The following NAV3 variants were observed in gnomAD, a reference collection of about 807,000 sequenced individuals.
The protein encoded by NAV3 is pore membrane and/or filament interacting like protein 1.
Under a neutral mutation model 244.7 loss-of-function variants are expected in NAV3, and 87 were observed. The observed-to-expected ratio is 0.36, with a 90% CI of 0.30 to 0.42. The LOEUF (loss-of-function observed/expected upper bound fraction) is 0.42, where lower values mean the gene tolerates loss of function less well. NAV3 is among the 20% of genes least tolerant of loss of function. NAV3 has a pLI of 1.00. For synonymous variants in NAV3, 1,126 were observed against 1,042.2 expected (o/e 1.08, Z -1.55); for missense variants, 2,663 against 2,893.3 (o/e 0.92, Z 1.83).
In NAV3 at chr12:77,949,234, T is replaced by A. The variant is rs558551858; in HGVS notation, c.414+8101T>A. ...GTTCAATGATGTAATTATCACTTAT[T>A]TATTGAACATCAATGGTATATACCT... On this transcript the variant is annotated intron_variant, in intron 3 of 39. Coordinates refer to ENST00000397909, the MANE Select transcript of NAV3 (RefSeq NM_001024383.2). 3.9e-5 allele frequency among the ~76,000 whole-genome samples: 6 copies of A among 152,220 alleles called. No individual in the cohort carries two copies. In the East Asian group the frequency reaches 1.2e-3, roughly 29 times the overall value.
intron 2 of NAV3, among the ~76,000 whole-genome samples, chr12:77,711,664 G>A (rs1412282977): frequency 6.6e-6 from 1 of 152,186 alleles, no homozygotes; most frequent in South Asian, 2.1e-4. Flanking sequence ...GATTAGGCAG[G>A]GTGTCTGTGG....
chr12:77,768,162 G>A (rs2135865276), intron 2 of NAV3, among the ~76,000 whole-genome samples: 1 of 152,306 alleles, frequency 6.6e-6, no homozygotes. Context: ...ATGGGCTTCA[G>A]AGGGAAGGAA....
chr12:78,023,374 AT>A (rs1877480945), intron 9 of NAV3, among the ~76,000 whole-genome samples: 1 of 152,086 alleles, frequency 6.6e-6, no homozygotes, highest in African/African-American at 2.4e-5. Flanking sequence ...TAACATTCTG[AT>A]TTTTAATAGA....
chr12:77,631,992 T>C (rs1238864849), intron 2 of NAV3, among the ~76,000 whole-genome samples: 2 of 152,216 alleles, frequency 1.3e-5, no homozygotes, highest in East Asian at 3.9e-4. Flanking sequence ...TGGTAGAATA[T>C]ACACGTGAAC....
chr12:78,020,057 G>GACTATAGAC (rs1165867916), intron 8 of NAV3, among the ~76,000 whole-genome samples: 1 of 152,118 alleles, frequency 6.6e-6, no homozygotes, highest in Non-Finnish European at 1.5e-5. Context: ...CATTTAGAGA[G>GACTATAGAC]ACTATAGACA....
At chr12:77,986,969 A>G (rs1870624240) in intron 5 of NAV3, among the ~76,000 whole-genome samples, 1 of 152,166 alleles carries the variant, frequency 6.6e-6, no homozygotes, top group African/African-American at 2.4e-5. Context: ...TGAATAAAAC[A>G]TTGCTAAAAA....
intron 2 of NAV3, among the ~76,000 whole-genome samples, chr12:77,737,108 T>C (rs1848625255): frequency 6.6e-6 from 1 of 150,680 alleles, no homozygotes; most frequent in Non-Finnish European, 1.5e-5. Flanking sequence ...TTCACTCAGA[T>C]GAGGGAGGCA....
chr12:78,022,907 T>A (rs11107901), intron 9 of NAV3, among the ~76,000 whole-genome samples: 30,598 of 152,022 alleles, frequency 0.2, 3,312 homozygotes, highest in Middle Eastern at 0.27. Context: ...AGGTTTCATA[T>A]GGAGATTACA....
intron 22 of NAV3, among the ~76,000 whole-genome samples, chr12:78,154,340 A>ATAT (rs1356654351): frequency 1.9e-5 from 2 of 106,404 alleles, no homozygotes; most frequent in Admixed American, 2.2e-4. Context: ...ATTATATAGT[A>ATAT]ATATATTACT....
rs555248661 is a variant in NAV3, at chr12:77,883,517, C to T, written c.243+51813C>T. Among the ~76,000 whole-genome samples the T allele has an allele frequency of 3.3e-5, 5 of 152,082 alleles. No homozygotes were observed. In the South Asian group the frequency reaches 6.2e-4, roughly 19 times the overall value. ...ATGCTCACTACATGAGTGATGGGTCCATACACAAACCTCAGCATTATGGAA... is the reference window on the plus strand; with the variant it reads ...ATGCTCACTACATGAGTGATGGGTCTATACACAAACCTCAGCATTATGGAA... On this transcript the variant is annotated intron_variant, in intron 1 of 39. Coordinates refer to ENST00000397909, the MANE Select transcript of NAV3 (RefSeq NM_001024383.2).
intron 2 of NAV3, among the ~76,000 whole-genome samples, chr12:77,657,352 T>C (rs930389209): frequency 2.6e-5 from 4 of 151,886 alleles, no homozygotes; most frequent in Non-Finnish European, 5.9e-5. Flanking sequence ...AGCTAGAAAA[T>C]CTAGAAGAAA....
At chr12:78,128,898 G>C (rs1422579734) in intron 18 of NAV3, 32 bp downstream of exon 18, 3 of 1,598,564 alleles carry the variant, frequency 1.9e-6, no homozygotes, top group Non-Finnish European at 2.6e-6. Flanking sequence ...ATTTTGTTTT[G>C]TTTCTTTCAC....
chr12:77,825,345 A>G (rs1872932271), intron 2 of NAV3, among the ~76,000 whole-genome samples: 1 of 152,220 alleles, frequency 6.6e-6, no homozygotes, highest in African/African-American at 2.4e-5. Flanking sequence ...AATTTTTAAA[A>G]CAGAATTGAT....
intron 2 of NAV3, among the ~76,000 whole-genome samples, chr12:77,806,666 T>C (rs1241082604): frequency 1.3e-4 from 20 of 152,218 alleles, no homozygotes; most frequent in Non-Finnish European, 1.5e-5. Flanking sequence ...GAGAGTTCTG[T>C]AGGTGTCTAT....
intron 2 of NAV3, among the ~76,000 whole-genome samples, chr12:77,787,807 A>T (rs1870976610): frequency 6.6e-6 from 1 of 152,236 alleles, no homozygotes; most frequent in African/African-American, 2.4e-5. Flanking sequence ...GCAGATCATC[A>T]AAAAGTTAAC....
At chr12:78,058,078 C>G (rs1883780380) in intron 11 of NAV3, among the ~76,000 whole-genome samples, 2 of 152,160 alleles carry the variant, frequency 1.3e-5, no homozygotes, top group East Asian at 1.9e-4. Context: ...TTTAGATTCT[C>G]TGTGTGTGCA....
intron 2 of NAV3, among the ~76,000 whole-genome samples, chr12:77,778,793 C>T (rs1870520401): frequency 6.6e-6 from 1 of 151,964 alleles, no homozygotes; most frequent in African/African-American, 2.4e-5. Flanking sequence ...TATAAAACAT[C>T]AAGTATTCTC....
At chr12:78,148,726 G>T in intron 21 of NAV3, 116 bp from the exon 22 acceptor site, 1 of 788,960 alleles carries the variant, frequency 1.3e-6, no homozygotes, top group Non-Finnish European at 2.1e-6. Context: ...AGGAGTTGCT[G>T]CTGATACAAT....
At position 77,737,129 on chromosome 12, in the gene NAV3, A is replaced by T. The variant is rs529069550; in HGVS notation, c.72+164863A>T. On this transcript the variant is annotated intron_variant, in intron 2 of 8. Coordinates refer to the NAV3 transcript ENST00000550042. Reference sequence around the variant, plus strand: ...CAGATGAGGGAGGCAGAGGGGAAACATTTAAAAAAAAAATCTATTAAAGTT... The same window carrying T: ...CAGATGAGGGAGGCAGAGGGGAAACTTTTAAAAAAAAAATCTATTAAAGTT... Among the ~76,000 whole-genome samples, 17 of 148,112 alleles carry T rather than the reference A, an allele frequency of 1.1e-4. No homozygotes were observed. In the East Asian group the frequency reaches 2.9e-3, roughly 25 times the overall value.
Sources: gnomAD v4.1 joint callset for allele counts (sites outside exome capture counted in the v4.1 genomes callset) on GRCh38, gnomAD v4.1.1 for gene constraint, MANE v1.5 for transcripts, NCBI Gene and HGNC (gene_info 2026-07-23, HGNC 2026-07-21) for gene names.